The following CCNG1 variants were observed in gnomAD, a reference collection of about 807,000 sequenced individuals.
CCNG1 encodes cyclin-G1.
Under a neutral mutation model 30.0 loss-of-function variants are expected in CCNG1, and 13 were observed. That is an observed-to-expected ratio of 0.43 (90% CI 0.28 to 0.69). The LOEUF (loss-of-function observed/expected upper bound fraction) is 0.69, where lower values mean the gene tolerates loss of function less well. Ranked by LOEUF, CCNG1 falls within the 30% of genes least tolerant of loss-of-function variation. CCNG1 has a pLI of 0.16. For missense variants in CCNG1, 285 were observed against 331.4 expected, an observed-to-expected ratio of 0.86 and a Z score of 1.09; for synonymous variants, 110 against 121.5, an observed-to-expected ratio of 0.91 and a Z score of 0.62.
rs765890727 is a variant in CCNG1, at chr5:163,442,479, A to G, written c.802A>G (p.Ile268Val). 1 of 1,614,032 alleles carries G rather than the reference A, an allele frequency of 6.2e-7. No individual in the cohort carries two copies. Among genetic ancestry groups the G allele is most frequent in the South Asian group, 1.1e-5 (1 of 91,078 alleles). ...SKPNVQKLKW[I>V]VSGRTARQLK... ...ACCAAATGTTCAGAAGTTGAAATGGATTGTTTCTGGGCGTACTGCACGGCA... is the reference window on the plus strand; with the variant it reads ...ACCAAATGTTCAGAAGTTGAAATGGGTTGTTTCTGGGCGTACTGCACGGCA... The change falls in exon 6 of 7, where the codon ATT becomes GTT. Residue 268 changes from isoleucine (I) to valine (V), a missense_variant. By Grantham distance (29) the Ile-to-Val change is conservative (BLOSUM62 3). Coordinates refer to ENST00000340828, the MANE Select transcript of CCNG1 (RefSeq NM_004060.4).
chr5:163,456,538 A>G, the CCNG1 span, among the ~76,000 whole-genome samples: 2 of 152,180 alleles, frequency 1.3e-5, no homozygotes, highest in Non-Finnish European at 2.9e-5. Context: ...GCTAAAAAAC[A>G]AAACAAAACA....
rs1757873196 is a variant in CCNG1, at chr5:163,442,548, C to A, written c.871C>A (p.Pro291Thr). 2.7e-5 allele frequency: 43 copies of A among 1,608,458 alleles called. No homozygotes were observed. Among genetic ancestry groups the A allele is most frequent in the Non-Finnish European group, 3.7e-5 (43 of 1,177,590 alleles). Reference sequence around the variant, plus strand: ...CAGAATAACTCACCTTCCAACAATTCCTGAAATGGTCCCTTAACTGGTAAA... The same window carrying A: ...CAGAATAACTCACCTTCCAACAATTACTGAAATGGTCCCTTAACTGGTAAA... ...YYRITHLPTI[P>T]EMVP The change falls in exon 6 of 7, where the codon CCT becomes ACT. Residue 291 changes from proline (P) to threonine (T), a missense_variant. Coordinates refer to ENST00000340828, the MANE Select transcript of CCNG1 (RefSeq NM_004060.4).
the CCNG1 span, chr5:163,452,841 T>C: frequency 6.6e-6 from 1 of 152,202 alleles, no homozygotes; most frequent in Non-Finnish European, 1.5e-5. Flanking sequence ...AAGTACTAAG[T>C]TGTAAAAGGA....
At chr5:163,442,172 T>A (rs1402404596) in intron 5 of CCNG1, 29 bp downstream of exon 5, 1 of 1,432,022 alleles carries the variant, frequency 7.0e-7, no homozygotes, top group Non-Finnish European at 9.7e-7. Flanking sequence ...CTAAATCCTA[T>A]TAACAGCTGT....
chr5:163,450,863 T>C (rs1431113988), downstream of CCNG1: 2 of 152,238 alleles, frequency 1.3e-5, no homozygotes, highest in Non-Finnish European at 2.9e-5. Context: ...TATAGCAGCT[T>C]TAGTCAGGAC....
At position 163,439,262 on chromosome 5, in the gene CCNG1, A is replaced by G; in HGVS notation, c.6A>G (p.Ile2Met). Residue 2 changes from isoleucine to methionine, a missense_variant, in exon 2 of 7, where the codon ATA (isoleucine) becomes ATG (methionine). Ile to Met is a conservative substitution (Grantham distance 10). Coordinates refer to ENST00000340828, the MANE Select transcript of CCNG1 (RefSeq NM_004060.4). ...GTCTTTTTTTCTATATATAGATGAT[A>G]GAGGTACTGACAACAACTGACTCTC... M[I>M]EVLTTTDSQK... 6 of 1,612,784 alleles carry G rather than the reference A, an allele frequency of 3.7e-6. No individual in the cohort carries two copies. Among genetic ancestry groups the G allele is most frequent in the Non-Finnish European group, 5.1e-6 (6 of 1,179,796 alleles).
chr5:163,454,608 T>G, the CCNG1 span, among the ~76,000 whole-genome samples: 1 of 152,258 alleles, frequency 6.6e-6, no homozygotes, highest in South Asian at 2.1e-4. Context: ...CCCAAAGTGC[T>G]GGGATTACAG....
In CCNG1 at chr5:163,441,252, T is replaced by C. The variant is rs758705787; in HGVS notation, c.439T>C (p.Trp147Arg). The change falls in exon 3 of 7, where the codon TGG (tryptophan) becomes CGG (arginine). Residue 147 changes from tryptophan to arginine, a missense_variant. Trp to Arg is a moderately radical substitution (Grantham distance 101, BLOSUM62 -3). Transcript: ENST00000340828. ...MEKIVLEKVC[W>R]KVKATTAFQF... ...AAAGATTGTATTGGAGAAGGTGTGT[T>C]GGAAAGTCAAAGCTACTACTGCCTT... 6.2e-7 allele frequency: 1 copy of C among 1,614,030 alleles called. No homozygotes were observed. Among genetic ancestry groups the C allele is most frequent in the South Asian group, 1.1e-5 (1 of 91,074 alleles).
chr5:163,451,048 A>G (rs990755529), downstream of CCNG1: 9 of 152,234 alleles, frequency 5.9e-5, no homozygotes, highest in Non-Finnish European at 4.4e-5. Flanking sequence ...AAGACCACGT[A>G]TTATGATTCC....
chr5:163,443,627 C>A, intron 6 of CCNG1, 47 bp from the exon 7 acceptor site: 2 of 1,023,550 alleles, frequency 2.0e-6, no homozygotes, highest in Non-Finnish European at 2.9e-6. Context: ...TTTAGGCAGA[C>A]TGGCTTCTGT....
At chr5:163,442,229 A>T in intron 5 of CCNG1, 86 bp downstream of exon 5, 2 of 1,110,872 alleles carry the variant, frequency 1.8e-6, no homozygotes. Flanking sequence ...ATGAGATGTC[A>T]TATGTTTATT....
the CCNG1 span, among the ~76,000 whole-genome samples, chr5:163,454,667 C>T: frequency 1.3e-5 from 2 of 152,132 alleles, no homozygotes; most frequent in Non-Finnish European, 2.9e-5. Flanking sequence ...TGAGAGCTTT[C>T]TATATGCCAC....
At chr5:163,457,593 A>G in the CCNG1 span, 5 of 1,582,066 alleles carry the variant, frequency 3.2e-6, no homozygotes, top group Middle Eastern at 1.7e-4. Flanking sequence ...CAGCTATTGT[A>G]GAATCAAAGA....
chr5:163,441,234 G>A lies in CCNG1; in HGVS notation c.421G>A (p.Val141Ile). The change falls in exon 3 of 7, where the codon GTA (valine) becomes ATA (isoleucine). Residue 141 changes from valine (V) to isoleucine (I), a missense_variant. Physicochemically the swap from Val to Ile is conservative, Grantham distance 29. Coordinates refer to ENST00000340828, the MANE Select transcript of CCNG1 (RefSeq NM_004060.4). ...AGACTTGATGAGAATGGAAAAGATTGTATTGGAGAAGGTGTGTTGGAAAGT... is the reference window on the plus strand; with the variant it reads ...AGACTTGATGAGAATGGAAAAGATTATATTGGAGAAGGTGTGTTGGAAAGT... ...VSDLMRMEKI[V>I]LEKVCWKVKA... 6.2e-7 allele frequency: 1 copy of A among 1,614,036 alleles called. No homozygotes were observed. Among genetic ancestry groups the A allele is most frequent in the Non-Finnish European group, 8.5e-7 (1 of 1,179,912 alleles).
chr5:163,438,062 C>T (rs745375194), intron 1 of CCNG1, among the ~76,000 whole-genome samples: 17 of 152,134 alleles, frequency 1.1e-4, no homozygotes, highest in Non-Finnish European at 2.5e-4. Context: ...AGAGGTTCCT[C>T]ACATGACTAG....
chr5:163,446,676 A>G (rs1758045516), downstream of CCNG1: 1 of 152,230 alleles, frequency 6.6e-6, no homozygotes, highest in Admixed American at 6.5e-5. Context: ...TATTTTTCAG[A>G]AACCAAAAAA....
Position 163,439,812 on chromosome 5 carries a change from C to A in CCNG1, c.264+292C>A, listed in dbSNP as rs558336546. Reference sequence around the variant, plus strand: ...CCCTTCTTGATAGGTTGGATTTGTCCATTTATTTACTATTTTTAGATATAA... The same window carrying A: ...CCCTTCTTGATAGGTTGGATTTGTCAATTTATTTACTATTTTTAGATATAA... On this transcript the variant is annotated intron_variant, in intron 2 of 6. Coordinates refer to ENST00000340828, the MANE Select transcript of CCNG1 (RefSeq NM_004060.4). 2.4e-4 allele frequency among the ~76,000 whole-genome samples: 37 copies of A among 151,986 alleles called. No homozygotes were observed. In the South Asian group the frequency reaches 7.1e-3, roughly 29 times the overall value.
At chr5:163,442,344 A>G (rs757975733) in intron 5 of CCNG1, 30 bp from the exon 6 acceptor site, 3 of 1,517,878 alleles carry the variant, frequency 2.0e-6, no homozygotes, top group Non-Finnish European at 2.7e-6. Context: ...TACTTGGAGT[A>G]ATAATTTTTT....
chr5:163,446,663 A>G (rs560043730), downstream of CCNG1: 6 of 152,356 alleles, frequency 3.9e-5, no homozygotes, highest in African/African-American at 9.6e-5. Context: ...TATTTATTAA[A>G]TCTATTTTTC....
Sources: allele counts gnomAD v4.1 joint callset (sites outside exome capture counted in the v4.1 genomes callset), GRCh38; gene constraint gnomAD v4.1.1; transcripts MANE v1.5; gene names NCBI Gene and HGNC (gene_info 2026-07-23, HGNC 2026-07-21).